ZNF704: variants seen among roughly 807,000 people sequenced by gnomAD.
ZNF704 encodes glucocorticoid induced gene 1.
In ZNF704, 10 loss-of-function variants were observed where a neutral mutation model predicts 44.7. The observed-to-expected ratio is 0.22, with a 90% CI of 0.14 to 0.38. The LOEUF (loss-of-function observed/expected upper bound fraction) is 0.38, where lower values mean the gene tolerates loss of function less well. ZNF704 is among the 10% of genes least tolerant of loss of function. The pLI, the probability that ZNF704 is intolerant of heterozygous loss-of-function variation, is 1.00. For synonymous variants in ZNF704, 211 were observed against 207.6 expected (o/e 1.02, Z -0.14); for missense variants, 390 against 545.5 (o/e 0.71, Z 2.84).
At chr8:80,731,563 G>C (rs765067841) in intron 2 of ZNF704, among the ~76,000 whole-genome samples, 25 of 152,146 alleles carry the variant, frequency 1.6e-4, no homozygotes, top group Non-Finnish European at 2.8e-4. Context: ...ATGTATGAAA[G>C]ATATCTATAT....
rs139583777 is a variant in ZNF704, at chr8:80,808,807, T to C, written c.221+12567A>G. ...AACCACATAATGTATTTATCAACTG[T>C]GGTTAGAAAGAACAGTTCCTCCAAA... On this transcript the variant is annotated intron_variant, in intron 2 of 8. Transcript: ENST00000327835. Among the ~76,000 whole-genome samples the C allele has an allele frequency of 5.2e-5, 8 of 152,382 alleles. No individual in the cohort carries two copies. In the East Asian group the frequency reaches 1.5e-3, roughly 29 times the overall value.
chr8:80,641,540 C>CAAGGGCAT (rs1199974804), intron 8 of ZNF704, 63 bp from the exon 9 acceptor site: 1 of 975,500 alleles, frequency 1.0e-6, no homozygotes, highest in African/African-American at 1.7e-5. Flanking sequence ...CTATGGAGAG[C>CAAGGGCAT]TCAAAAATCC....
intron 1 of ZNF704, among the ~76,000 whole-genome samples, chr8:80,844,130 T>C (rs551481835): frequency 6.6e-6 from 1 of 152,226 alleles, no homozygotes; most frequent in East Asian, 1.9e-4. Context: ...GATAGGCTCA[T>C]GCAGACTATG....
chr8:80,876,146 C>T (rs1276655832), upstream of ZNF704, among the ~76,000 whole-genome samples: 3 of 152,194 alleles, frequency 2.0e-5, no homozygotes, highest in African/African-American at 4.8e-5. Flanking sequence ...CACACACCCT[C>T]CCTTTCCCTC....
intron 2 of ZNF704, among the ~76,000 whole-genome samples, chr8:80,800,461 C>A (rs1052234155): frequency 1.3e-5 from 2 of 152,170 alleles, no homozygotes; most frequent in Non-Finnish European, 2.9e-5. Context: ...AACAGTGGAC[C>A]TCTCAGCAGA....
intron 2 of ZNF704, among the ~76,000 whole-genome samples, chr8:80,747,996 T>A (rs1806876069): frequency 6.6e-6 from 1 of 152,202 alleles, no homozygotes; most frequent in South Asian, 2.1e-4. Context: ...ATTACAGGTG[T>A]GAGCCACCAT....
chr8:80,685,592 T>C (rs1435702290), intron 4 of ZNF704, among the ~76,000 whole-genome samples: 3 of 152,348 alleles, frequency 2.0e-5, no homozygotes, highest in South Asian at 4.1e-4. Flanking sequence ...GAAGACCCAG[T>C]GTCCCTGGGG....
At chr8:80,764,996 G>A (rs1260414447) in intron 2 of ZNF704, among the ~76,000 whole-genome samples, 1 of 152,182 alleles carries the variant, frequency 6.6e-6, no homozygotes, top group African/African-American at 2.4e-5. Flanking sequence ...TATGGTGGTT[G>A]AGAAGTCCCA....
intron 2 of ZNF704, among the ~76,000 whole-genome samples, chr8:80,780,661 A>G (rs1807507789): frequency 6.6e-6 from 1 of 152,176 alleles, no homozygotes; most frequent in Non-Finnish European, 1.5e-5. Context: ...ATGAAAAATA[A>G]GACACAGAGA....
At chr8:80,659,472 A>G in intron 7 of ZNF704, 113 bp downstream of exon 7, 1 of 832,804 alleles carries the variant, frequency 1.2e-6, no homozygotes. Flanking sequence ...GAAATATAGT[A>G]CTTCTGGCAT....
intron 2 of ZNF704, among the ~76,000 whole-genome samples, chr8:80,700,519 C>G (rs745686446): frequency 1.3e-5 from 2 of 152,118 alleles, no homozygotes; most frequent in Admixed American, 1.3e-4. Flanking sequence ...TATTATTATC[C>G]TCCTCTTTTA....
At chr8:80,883,074 C>CAAAAAAAAAAAAAA in the ZNF704 span, among the ~76,000 whole-genome samples, 1 of 43,212 alleles carries the variant, frequency 2.3e-5, no homozygotes, top group Admixed American at 2.4e-4. Context: ...CCTGTCTCTA[C>CAAAAAAAAAAAAAA]AAAAAAAAAA....
At chr8:80,661,427 C>T (rs1818099952) in intron 6 of ZNF704, among the ~76,000 whole-genome samples, 1 of 152,124 alleles carries the variant, frequency 6.6e-6, no homozygotes, top group Non-Finnish European at 1.5e-5. Context: ...TATAATCCAG[C>T]AATCTCACTA....
At chr8:80,777,356 C>T (rs891204263) in intron 2 of ZNF704, among the ~76,000 whole-genome samples, 2 of 152,046 alleles carry the variant, frequency 1.3e-5, no homozygotes, top group Non-Finnish European at 2.9e-5. Context: ...GGCTGACAGC[C>T]TTCAGTACTA....
intron 2 of ZNF704, among the ~76,000 whole-genome samples, chr8:80,808,155 T>A (rs2129823424): frequency 6.6e-6 from 1 of 152,282 alleles, no homozygotes; most frequent in Non-Finnish European, 1.5e-5. Flanking sequence ...AATTCCTCCC[T>A]CCTAACTACC....
chr8:80,831,115 T>C (rs1808465907), intron 1 of ZNF704, among the ~76,000 whole-genome samples: 1 of 152,108 alleles, frequency 6.6e-6, no homozygotes, highest in Non-Finnish European at 1.5e-5. Flanking sequence ...TGCAAAGAGA[T>C]AGCCACCAAG....
chr8:80,662,839 C>T (rs753688066), intron 6 of ZNF704, among the ~76,000 whole-genome samples: 10 of 151,588 alleles, frequency 6.6e-5, no homozygotes, highest in South Asian at 2.1e-4. Flanking sequence ...TTATTAATGA[C>T]GAAAAAACAG....
At chr8:80,780,770 T>C (rs966476293) in intron 2 of ZNF704, among the ~76,000 whole-genome samples, 1 of 152,020 alleles carries the variant, frequency 6.6e-6, no homozygotes, top group African/African-American at 2.4e-5. Context: ...AGGCAAAGAA[T>C]GGGTTCTTTC....
intron 3 of ZNF704, among the ~76,000 whole-genome samples, chr8:80,688,407 G>A (rs765228040): frequency 1.8e-4 from 27 of 152,070 alleles, no homozygotes; most frequent in African/African-American, 5.8e-4. Context: ...AAGCTTATTC[G>A]CACAGTCTCA....
Sources: allele counts gnomAD v4.1 joint callset (sites outside exome capture counted in the v4.1 genomes callset), GRCh38; gene constraint gnomAD v4.1.1; transcripts MANE v1.5; gene names NCBI Gene and HGNC (gene_info 2026-07-23, HGNC 2026-07-21).